Variants in OPCML observed in about 807,000 individuals in gnomAD.
OPCML encodes the protein opioid-binding protein/cell adhesion molecule.
In OPCML, 13 loss-of-function variants were observed where a neutral mutation model predicts 37.8. The observed-to-expected ratio is 0.34, with a 90% CI of 0.22 to 0.55. The LOEUF is 0.55. OPCML is among the 20% of genes least tolerant of loss of function. The pLI is 0.91. For missense variants in OPCML, 341 were observed against 435.6 expected, an observed-to-expected ratio of 0.78 and a Z score of 1.93; for synonymous variants, 176 against 168.8, an observed-to-expected ratio of 1.04 and a Z score of -0.33.
intron 2 of OPCML, among the ~76,000 whole-genome samples, chr11:132,781,724 A>G (rs903944516): frequency 1.3e-5 from 2 of 151,762 alleles, no homozygotes; most frequent in African/African-American, 2.4e-5. Flanking sequence ...TCTTCAGAAC[A>G]TAGTATCAGA....
In OPCML at chr11:132,476,991, A is replaced by C. The variant is rs572628907; in HGVS notation, c.506-39632T>G. On this transcript the variant is annotated intron_variant, in intron 4 of 7. Coordinates refer to ENST00000524381, the MANE Select transcript of OPCML (RefSeq NM_001012393.5). ...TTAATCTGAGTATCCATTATGCTGAATTAATATGATTTTTGTCAAAAATAG... is the reference window on the plus strand; with the variant it reads ...TTAATCTGAGTATCCATTATGCTGACTTAATATGATTTTTGTCAAAAATAG... Among the ~76,000 whole-genome samples, 3 of 152,300 alleles carry C rather than the reference A, an allele frequency of 2.0e-5. 1 individual carries two copies. Among genetic ancestry groups the C allele is most frequent in the African/African-American group, 7.2e-5 (3 of 41,562 alleles).
intron 1 of OPCML, among the ~76,000 whole-genome samples, chr11:133,319,891 A>G (rs1201057832): frequency 6.6e-6 from 1 of 152,182 alleles, no homozygotes; most frequent in African/African-American, 2.4e-5. Context: ...TTATTTGAGT[A>G]GTTCAGAAAA....
chr11:133,389,883 T>A (rs1267722288), intron 1 of OPCML, among the ~76,000 whole-genome samples: 1 of 152,226 alleles, frequency 6.6e-6, no homozygotes, highest in Non-Finnish European at 1.5e-5. Flanking sequence ...GATGTCTTTT[T>A]CCAAGGGAAA....
chr11:132,861,618 C>A (rs12365978), intron 2 of OPCML, among the ~76,000 whole-genome samples: 2,423 of 152,160 alleles, frequency 0.016, 28 homozygotes, highest in Middle Eastern at 0.034. Flanking sequence ...GGGTGAATCA[C>A]GAGGTCAGGA....
At chr11:132,961,098 C>T (rs1946083745) in intron 1 of OPCML, among the ~76,000 whole-genome samples, 1 of 152,168 alleles carries the variant, frequency 6.6e-6, no homozygotes, top group South Asian at 2.1e-4. Flanking sequence ...TAACCCTCGG[C>T]ATCCTCATCG....
intron 2 of OPCML, chr11:132,860,372 T>C (rs1269600304): frequency 6.6e-6 from 1 of 152,226 alleles, no homozygotes. Flanking sequence ...CCGCTTGCCT[T>C]ATTCAGTAAC....
At chr11:132,790,019 G>A (rs534988830) in intron 2 of OPCML, among the ~76,000 whole-genome samples, 3 of 152,204 alleles carry the variant, frequency 2.0e-5, no homozygotes, top group South Asian at 2.1e-4. Flanking sequence ...ATAAGTGTAC[G>A]AAAACAATAT....
rs568714023 is a variant in OPCML, at chr11:133,265,651, A to G, written c.61+266613T>C. Among the ~76,000 whole-genome samples the G allele has an allele frequency of 1.5e-4, 23 of 152,316 alleles. No homozygotes were observed. In the South Asian group the frequency reaches 3.5e-3, roughly 23 times the overall value. On this transcript the variant is annotated intron_variant, in intron 1 of 7. Transcript: ENST00000524381. The stretch of plus-strand genomic sequence containing the variant: ...AGTGTTGGGGCTGTGTCCCCATCAC[A>G]GTGGGGTTGGCTCAGCATCCCTCCT...
At chr11:132,517,598 G>A (rs61906360) in intron 4 of OPCML, among the ~76,000 whole-genome samples, 1,707 of 152,260 alleles carry the variant, frequency 0.011, 12 homozygotes, top group Middle Eastern at 0.041. Context: ...TAGATCTACA[G>A]AACTTGTAAA....
At chr11:132,664,664 C>T (rs974190040) in intron 2 of OPCML, among the ~76,000 whole-genome samples, 3 of 152,186 alleles carry the variant, frequency 2.0e-5, no homozygotes, top group African/African-American at 4.8e-5. Context: ...TTTAGATCAA[C>T]TCCCAAGGTA....
intron 2 of OPCML, among the ~76,000 whole-genome samples, chr11:132,719,033 C>G (rs554955758): frequency 1.3e-5 from 2 of 152,170 alleles, no homozygotes; most frequent in Non-Finnish European, 2.9e-5. Flanking sequence ...CTGCAGCCCT[C>G]TCAAGGCTGA....
At chr11:132,695,207 A>G (rs1184147618) in intron 2 of OPCML, among the ~76,000 whole-genome samples, 2 of 152,218 alleles carry the variant, frequency 1.3e-5, no homozygotes, top group African/African-American at 2.4e-5. Flanking sequence ...GAGACTGTTC[A>G]TTGGAAGCAC....
chr11:132,468,576 C>T (rs567630732), intron 4 of OPCML, among the ~76,000 whole-genome samples: 1 of 152,256 alleles, frequency 6.6e-6, no homozygotes, highest in East Asian at 1.9e-4. Flanking sequence ...AAATCTTTAG[C>T]CTTTTTTAAA....
intron 3 of OPCML, among the ~76,000 whole-genome samples, chr11:132,585,773 G>A (rs972629692): frequency 3.9e-5 from 6 of 152,132 alleles, no homozygotes; most frequent in South Asian, 2.1e-4. Flanking sequence ...GATAGTTACC[G>A]CAATAAAACT....
chr11:132,887,437 T>C (rs1943466104), intron 2 of OPCML, among the ~76,000 whole-genome samples: 2 of 152,178 alleles, frequency 1.3e-5, no homozygotes, highest in Admixed American at 1.3e-4. Context: ...GAACAAGAAA[T>C]AAAATGGATT....
chr11:133,149,192 T>C (rs201278767), intron 1 of OPCML, among the ~76,000 whole-genome samples: 2 of 152,222 alleles, frequency 1.3e-5, no homozygotes, highest in East Asian at 1.9e-4. Context: ...TTGTGGTTTG[T>C]TCGTCCTAAC....
intron 2 of OPCML, among the ~76,000 whole-genome samples, chr11:132,905,225 C>CTTTTTTTTTTTTTTTTTTTTTTTTT (rs373679886): frequency 3.4e-5 from 3 of 88,394 alleles, no homozygotes; most frequent in African/African-American, 4.6e-5. Context: ...GAAAGCAGTT[C>CTTTTTTTTTTTTTTTTTTTTTTTTT]TTTTTTTTTT....
intron 2 of OPCML, among the ~76,000 whole-genome samples, chr11:132,866,717 T>C (rs1211173475): frequency 6.6e-6 from 1 of 152,234 alleles, no homozygotes; most frequent in African/African-American, 2.4e-5. Context: ...TCAAATATTA[T>C]CTTACAAGAT....
intron 4 of OPCML, among the ~76,000 whole-genome samples, chr11:132,491,232 T>A (rs932783225): frequency 3.3e-5 from 5 of 152,080 alleles, no homozygotes; most frequent in Non-Finnish European, 7.4e-5. Context: ...TTTTAAAGAG[T>A]GAGTCAGCTG....
Sources: gnomAD v4.1 joint callset for allele counts (sites outside exome capture counted in the v4.1 genomes callset) on GRCh38, gnomAD v4.1.1 for gene constraint, MANE v1.5 for transcripts, NCBI Gene and HGNC (gene_info 2026-07-23, HGNC 2026-07-21) for gene names.